GOLM1: variants seen among roughly 807,000 people sequenced by gnomAD.
The protein encoded by GOLM1 is golgi membrane protein 1.
GOLM1 carries 31 observed loss-of-function variants against 50.5 expected under a neutral mutation model. The observed-to-expected ratio is 0.61, with a 90% CI of 0.46 to 0.83. The LOEUF is 0.83. GOLM1 is among the 40% of genes least tolerant of loss of function. The pLI is 0.00. For missense variants in GOLM1, 491 were observed against 501.3 expected (o/e 0.98, Z 0.20); for synonymous variants, 178 against 192.8 (o/e 0.92, Z 0.64).
At chr9:86,078,614 C>A (rs1198794369) in intron 2 of GOLM1, among the ~76,000 whole-genome samples, 4 of 152,104 alleles carry the variant, frequency 2.6e-5, no homozygotes, top group Non-Finnish European at 5.9e-5. Context: ...GTGCCAAGAT[C>A]AAGGCCTAGT....
At chr9:86,030,218 C>CAAAAAA (rs35215928) in intron 9 of GOLM1, among the ~76,000 whole-genome samples, 10 of 73,436 alleles carry the variant, frequency 1.4e-4, no homozygotes, top group Non-Finnish European at 2.0e-4. Context: ...GACTCTGTCT[C>CAAAAAA]AAAAAAAAAA....
In GOLM1 at chr9:86,052,599, G is replaced by A. The variant is rs199900466; in HGVS notation, c.310-8C>T. 6 of 1,613,152 alleles carry A rather than the reference G, an allele frequency of 3.7e-6. No individual in the cohort carries two copies. The highest frequency in any genetic ancestry group is 4.5e-5 in the East Asian group (2 of 44,860). On this transcript the variant is annotated splice_region_variant and splice_polypyrimidine_tract_variant and intron_variant, in intron 3 of 9. Transcript: ENST00000388712. ...GTTATTCACCAAAACCGCCTGCAAC[G>A]AAGATAAACTCGCATGAAACACCCA... is the stretch of plus-strand genomic sequence containing the variant.
At chr9:86,063,512 TCA>T (rs1834220282) in intron 3 of GOLM1, among the ~76,000 whole-genome samples, 1 of 152,208 alleles carries the variant, frequency 6.6e-6, no homozygotes, top group Admixed American at 6.5e-5. Flanking sequence ...GGTTACAGCG[TCA>T]CAGTCAAGGC....
intron 3 of GOLM1, among the ~76,000 whole-genome samples, chr9:86,073,686 T>G (rs937802141): frequency 1.3e-5 from 2 of 152,202 alleles, no homozygotes; most frequent in African/African-American, 4.8e-5. Context: ...TGGCTCCCTA[T>G]GACTCAGAGG....
At chr9:86,055,531 G>A (rs1833960127) in intron 3 of GOLM1, among the ~76,000 whole-genome samples, 1 of 152,214 alleles carries the variant, frequency 6.6e-6, no homozygotes, top group Non-Finnish European at 1.5e-5. Flanking sequence ...AGAGGCGAAT[G>A]CAACCCAGGG....
At chr9:86,045,709 C>T (rs1833516963) in intron 5 of GOLM1, among the ~76,000 whole-genome samples, 1 of 151,384 alleles carries the variant, frequency 6.6e-6, no homozygotes, top group Non-Finnish European at 1.5e-5. Context: ...CACACACACA[C>T]ACACACGTAC....
At chr9:86,051,350 G>A (rs1833743875) in intron 4 of GOLM1, among the ~76,000 whole-genome samples, 2 of 152,252 alleles carry the variant, frequency 1.3e-5, no homozygotes, top group Admixed American at 6.5e-5. Context: ...GTTGATTTGG[G>A]GTGGAGAGTT....
At position 86,062,753 on chromosome 9, in the gene GOLM1, G is replaced by C. The variant is rs568739961; in HGVS notation, c.310-10162C>G. ...CGGGGGGGGCTGCCCTTGCCTCTGA[G>C]AACCTGCTACACTGTCTCCTTTGGT... On this transcript the variant is annotated intron_variant, in intron 3 of 9. Coordinates refer to ENST00000388712, the MANE Select transcript of GOLM1 (RefSeq NM_016548.4). Among the ~76,000 whole-genome samples the C allele has an allele frequency of 1.7e-4, 26 of 152,184 alleles. 1 individual carries two copies. In the South Asian group the frequency reaches 4.8e-3, roughly 28 times the overall value.
At chr9:86,083,769 C>G (rs1250613018) in intron 1 of GOLM1, among the ~76,000 whole-genome samples, 2 of 152,216 alleles carry the variant, frequency 1.3e-5, no homozygotes, top group Non-Finnish European at 2.9e-5. Flanking sequence ...GAACTCTTAC[C>G]TATGTGTACA....
chr9:86,035,662 C>T, intron 7 of GOLM1, 37 bp from the exon 8 acceptor site: 1 of 968,030 alleles, frequency 1.0e-6, no homozygotes, highest in Admixed American at 2.5e-5. Flanking sequence ...ACCTTGCCAG[C>T]ATTTGATTTA....
At chr9:86,051,708 G>T (rs1359138929) in intron 4 of GOLM1, among the ~76,000 whole-genome samples, 1 of 151,988 alleles carries the variant, frequency 6.6e-6, no homozygotes, top group African/African-American at 2.4e-5. Flanking sequence ...TATCAAAACC[G>T]CTGTCAAACT....
At chr9:86,083,759 G>A (rs1265478250) in intron 1 of GOLM1, among the ~76,000 whole-genome samples, 1 of 152,206 alleles carries the variant, frequency 6.6e-6, no homozygotes, top group African/African-American at 2.4e-5. Context: ...CTGTGTTTAC[G>A]AACTCTTACC....
chr9:86,075,438 T>C (rs190071592), intron 3 of GOLM1, among the ~76,000 whole-genome samples: 107 of 152,344 alleles, frequency 7.0e-4, no homozygotes, highest in African/African-American at 2.2e-3. Context: ...GGTTGAGCAC[T>C]GGGTTAAACG....
At chr9:86,035,323 C>T (rs1156705370) in intron 8 of GOLM1, 45 bp downstream of exon 8, 5 of 1,593,334 alleles carry the variant, frequency 3.1e-6, no homozygotes, top group Non-Finnish European at 4.3e-6. Context: ...GGCTGGGTGT[C>T]TGGTGGAAGG....
At chr9:86,036,575 A>G (rs533803331) in intron 6 of GOLM1, 68 bp from the exon 7 acceptor site, 7 of 1,524,608 alleles carry the variant, frequency 4.6e-6, no homozygotes, top group East Asian at 4.5e-5. Flanking sequence ...AAAGAATCCT[A>G]CCAATGCAAT....
chr9:86,026,345 T>C lies in GOLM1; in HGVS notation c.*1472A>G. The C allele has an allele frequency of 1.0e-6, 1 of 985,154 alleles. No homozygotes were observed. Among genetic ancestry groups the C allele is most frequent in the Non-Finnish European group, 1.2e-6 (1 of 829,756 alleles). 61.0% of individuals were successfully genotyped at this position (985,154 alleles called of 1,614,324 possible). On this transcript the variant is annotated 3_prime_UTR_variant, in exon 10 of 10. Transcript: ENST00000388712. ...AAGTTGCCTTTTCTGGGTGGGAAAG[T>C]TTAACCTTAGTGACTAAGGACATCA...
At chr9:86,040,626 A>C (rs1833310751) in intron 6 of GOLM1, 113 bp downstream of exon 6, 1 of 984,294 alleles carries the variant, frequency 1.0e-6, no homozygotes, top group Admixed American at 2.4e-5. Context: ...TCAGGGAGCC[A>C]AGCCCGCAAA....
intron 3 of GOLM1, among the ~76,000 whole-genome samples, chr9:86,053,588 AC>A (rs1833868366): frequency 1.5e-3 from 2 of 1,360 alleles, no homozygotes; most frequent in Non-Finnish European, 2.2e-3. Context: ...ACCACACACC[AC>A]ACCACTCCAC....
At chr9:86,099,212 C>T (rs961863308) in intron 1 of GOLM1, among the ~76,000 whole-genome samples, 199 bp downstream of exon 1, 5 of 152,188 alleles carry the variant, frequency 3.3e-5, no homozygotes, top group East Asian at 1.9e-4. Flanking sequence ...GCCCAGGCAG[C>T]CGCGGGCTAC....
Sources: gnomAD v4.1 joint callset for allele counts (sites outside exome capture counted in the v4.1 genomes callset) on GRCh38, gnomAD v4.1.1 for gene constraint, MANE v1.5 for transcripts, NCBI Gene and HGNC (gene_info 2026-07-23, HGNC 2026-07-21) for gene names.